Variants in SPINK5 observed in about 807,000 individuals in gnomAD.
The protein encoded by SPINK5 is serine protease inhibitor Kazal-type 5.
In SPINK5, 125 loss-of-function variants were observed where a neutral mutation model predicts 151.8. That is an observed-to-expected ratio of 0.82 (90% CI 0.71 to 0.96). The LOEUF is 0.96. Among genes scored for constraint, SPINK5 ranks in the 40% least tolerant of loss-of-function variants. The pLI is 0.00. For missense variants in SPINK5, 1,194 were observed against 1,291.9 expected, an observed-to-expected ratio of 0.92 and a Z score of 1.16; for synonymous variants, 374 against 395.3, an observed-to-expected ratio of 0.95 and a Z score of 0.64.
At chr5:148,118,859 A>C in intron 23 of SPINK5, 127 bp from the exon 24 acceptor site, 1 of 1,016,998 alleles carries the variant, frequency 9.8e-7, no homozygotes, top group Non-Finnish European at 1.5e-6. Flanking sequence ...TGTCACGGCC[A>C]TTTGGAATCA....
intron 16 of SPINK5, among the ~76,000 whole-genome samples, chr5:148,106,595 A>G (rs764137250): frequency 2.6e-5 from 4 of 152,054 alleles, no homozygotes; most frequent in Non-Finnish European, 5.9e-5. Context: ...GTGGCCTCCT[A>G]AAGTGTTGGA....
chr5:148,101,729 A>G, intron 14 of SPINK5, 52 bp from the exon 15 acceptor site: 1 of 1,613,134 alleles, frequency 6.2e-7, no homozygotes, highest in African/African-American at 1.3e-5. Flanking sequence ...TATTTTTGCA[A>G]TCTGATTCAG....
Position 148,100,599 on chromosome 5 carries a change from T to C in SPINK5, c.1220+18T>C, listed in dbSNP as rs1298901749. On this transcript the variant is annotated intron_variant, in intron 13 of 32. Coordinates refer to ENST00000256084, the MANE Select transcript of SPINK5 (RefSeq NM_006846.4). ...GTCTTCTTGTGAGTAGCCCTGCAGC[T>C]GGGAACATGGAGGAATGATTTTGTT... The C allele has an allele frequency of 1.2e-6, 2 of 1,611,944 alleles. No individual in the cohort carries two copies. Among genetic ancestry groups the C allele is most frequent in the South Asian group, 2.2e-5 (2 of 91,066 alleles).
At chr5:148,080,147 A>G (rs1025071864) in intron 4 of SPINK5, among the ~76,000 whole-genome samples, 5 of 151,308 alleles carry the variant, frequency 3.3e-5, no homozygotes, top group African/African-American at 1.2e-4. Flanking sequence ...TTCATTCACG[A>G]TAGCATAAAA....
At chr5:148,071,266 C>T (rs1752731286) in intron 3 of SPINK5, among the ~76,000 whole-genome samples, 1 of 151,990 alleles carries the variant, frequency 6.6e-6, no homozygotes, top group Admixed American at 6.6e-5. Flanking sequence ...TTTTAAATGT[C>T]AGGTTGGTGT....
intron 16 of SPINK5, among the ~76,000 whole-genome samples, chr5:148,105,530 T>G (rs1357280303): frequency 6.6e-6 from 1 of 152,190 alleles, no homozygotes; most frequent in Non-Finnish European, 1.5e-5. Context: ...TTTTATAATT[T>G]TATACATAGC....
At chr5:148,079,548 AT>A (rs532583977) in intron 4 of SPINK5, among the ~76,000 whole-genome samples, 1 of 151,374 alleles carries the variant, frequency 6.6e-6, no homozygotes, top group South Asian at 2.1e-4. Flanking sequence ...TATGAAAAAA[AT>A]AAATCATTAC....
chr5:148,077,121 T>C (rs570037993), intron 4 of SPINK5, among the ~76,000 whole-genome samples: 5 of 150,388 alleles, frequency 3.3e-5, no homozygotes, highest in African/African-American at 1.2e-4. Flanking sequence ...TTTAAGAAAC[T>C]CAATACACCC....
At chr5:148,121,282 C>A (rs972939752) in intron 26 of SPINK5, among the ~76,000 whole-genome samples, 2 of 151,514 alleles carry the variant, frequency 1.3e-5, no homozygotes, top group Non-Finnish European at 2.9e-5. Flanking sequence ...CACTACAACA[C>A]CAACACGTAG....
intron 4 of SPINK5, among the ~76,000 whole-genome samples, chr5:148,073,900 C>T (rs1052579344): frequency 2.8e-4 from 41 of 147,364 alleles, no homozygotes; most frequent in African/African-American, 9.5e-4. Flanking sequence ...AGATAAAACT[C>T]TTAATAGCGA....
chr5:148,091,924 C>T (rs1414403626), intron 8 of SPINK5, among the ~76,000 whole-genome samples: 2 of 151,714 alleles, frequency 1.3e-5, no homozygotes, highest in African/African-American at 4.8e-5. Flanking sequence ...AAATCACCTA[C>T]TTTCAATGAG....
intron 9 of SPINK5, among the ~76,000 whole-genome samples, chr5:148,095,168 A>G (rs1020962708): frequency 4.6e-5 from 7 of 152,012 alleles, no homozygotes; most frequent in African/African-American, 1.2e-4. Flanking sequence ...TTAAATTCTC[A>G]TAATCCTTAG....
intron 17 of SPINK5, 35 bp downstream of exon 17, chr5:148,107,199 T>G: frequency 6.2e-7 from 1 of 1,606,734 alleles, no homozygotes; most frequent in Non-Finnish European, 8.5e-7. Flanking sequence ...ACTGAATTTC[T>G]TCATCCATGA....
At chr5:148,119,913 G>T in intron 24 of SPINK5, 96 bp from the exon 25 acceptor site, 1 of 1,430,262 alleles carries the variant, frequency 7.0e-7, no homozygotes, top group Non-Finnish European at 9.7e-7. Context: ...AGGTTACATG[G>T]CTGCCTGACT....
chr5:148,081,806 C>G (rs1483763440), intron 4 of SPINK5, among the ~76,000 whole-genome samples: 1 of 151,570 alleles, frequency 6.6e-6, no homozygotes, highest in Non-Finnish European at 1.5e-5. Flanking sequence ...TTTTTCAGTT[C>G]ATATGATTGT....
At position 148,123,692 on chromosome 5, in the gene SPINK5, T is replaced by G. The variant is rs558272500; in HGVS notation, c.2539-141T>G. ...TTAGGTAGAGATTGAATAAAGTGCC[T>G]TTAAAACATATTTCTTCTCTGAAAT... On this transcript the variant is annotated intron_variant, in intron 26 of 32. Coordinates refer to ENST00000256084, the MANE Select transcript of SPINK5 (RefSeq NM_006846.4). The G allele has an allele frequency of 2.1e-4, 254 of 1,236,466 alleles. No individual in the cohort carries two copies. In the Middle Eastern group the frequency reaches 4.3e-3, roughly 21 times the overall value. 76.6% of individuals were successfully genotyped at this position (1,236,466 alleles called of 1,614,324 possible).
intron 23 of SPINK5, 23 bp downstream of exon 23, chr5:148,118,587 A>G (rs1229402174): frequency 1.2e-6 from 2 of 1,613,506 alleles, no homozygotes. Context: ...CTCAACAGGC[A>G]TGTCTAAAAT....
In SPINK5 at chr5:148,101,510, G is replaced by T. The variant is rs1753644125; in HGVS notation, c.1302+74G>T. On this transcript the variant is annotated intron_variant, in intron 14 of 32. Coordinates refer to ENST00000256084, the MANE Select transcript of SPINK5 (RefSeq NM_006846.4). ...CACAGATCATGTTCAGGGAACACGT[G>T]CATTCCTTAAAACTGTATGAAACAA... The T allele has an allele frequency of 4.8e-6, 6 of 1,237,918 alleles. No individual in the cohort carries two copies. In the East Asian group the frequency reaches 1.4e-4, roughly 29 times the overall value. The allele number at this position is 1,237,918 out of a possible 1,614,324, so 76.7% of individuals were successfully genotyped here.
In SPINK5 at chr5:148,108,735, C is replaced by T. The variant is rs1753842933; in HGVS notation, c.1608-18C>T. 1 of 1,608,486 alleles carries T rather than the reference C, an allele frequency of 6.2e-7. No homozygotes were observed. Among genetic ancestry groups the T allele is most frequent in the East Asian group, 2.2e-5 (1 of 44,634 alleles). Reference sequence around the variant, plus strand: ...GTAGGGAATCATATTCAGCCTATATCTTCTTTTTCTATTACAGCAAACTTG... The same window carrying T: ...GTAGGGAATCATATTCAGCCTATATTTTCTTTTTCTATTACAGCAAACTTG... On this transcript the variant is annotated intron_variant, in intron 17 of 32. Transcript: ENST00000256084.
Sources: gnomAD v4.1 joint callset for allele counts (sites outside exome capture counted in the v4.1 genomes callset) on GRCh38, gnomAD v4.1.1 for gene constraint, MANE v1.5 for transcripts, NCBI Gene and HGNC (gene_info 2026-07-23, HGNC 2026-07-21) for gene names.